PRRT2: variants seen among roughly 807,000 people sequenced by gnomAD.
PRRT2 encodes the protein proline-rich transmembrane protein 2.
PRRT2 carries 9 observed loss-of-function variants against 24.7 expected under a neutral mutation model. The ratio of observed to expected loss-of-function variants is 0.36; its 90% CI spans 0.22 to 0.64. The LOEUF (loss-of-function observed/expected upper bound fraction) is 0.64. Among genes scored for constraint, PRRT2 ranks in the 30% least tolerant of loss-of-function variants. PRRT2 has a pLI of 0.65. For missense variants in PRRT2, 460 were observed against 435.0 expected (o/e 1.06, Z -0.51); for synonymous variants, 195 against 175.5 (o/e 1.11, Z -0.88).
chr16:29,814,185 C>T lies in PRRT2; in HGVS notation c.880-148C>T, dbSNP rs1223905095. 3 of 1,494,988 alleles carry T rather than the reference C, an allele frequency of 2.0e-6. No individual in the cohort carries two copies. The highest frequency in any genetic ancestry group is 2.7e-6 in the Non-Finnish European group (3 of 1,131,430). The allele number at this position is 1,494,988 out of a possible 1,614,324, so 92.6% of individuals were successfully genotyped here. A position where few individuals can be genotyped will look rare whatever the true frequency, so the allele number is the denominator to read the frequency against. On this transcript the variant is annotated intron_variant, in intron 2 of 3. Transcript: ENST00000358758. The surrounding 1 kb of genome is among the most constrained non-coding windows in gnomAD (Gnocchi z 4.1). ...AGCCTCGCTGACCTGTGCCCTCCTC[C>T]CCCTGCCCCTTCACTCCTCCTTCCT...
rs1482601020 is a variant in PRRT2 at position 29,814,317 on chromosome 16, C to G, written c.880-16C>G. The G allele has an allele frequency of 9.5e-6, 15 of 1,581,192 alleles. No homozygotes were observed. Among genetic ancestry groups the G allele is most frequent in the African/African-American group, 1.3e-5 (1 of 74,084 alleles). On this transcript the variant is annotated splice_polypyrimidine_tract_variant and intron_variant, in intron 2 of 3. Coordinates refer to ENST00000358758, the MANE Select transcript of PRRT2 (RefSeq NM_145239.3). The surrounding 1 kb of genome is among the most constrained non-coding windows in gnomAD (Gnocchi z 4.1). ...TGACCCCGGCTATGTGCCTCCACCC[C>G]TCGCCCTAACCCCAGTCCCGGAACA... is the stretch of plus-strand genomic sequence containing the variant.
Position 29,814,852 on chromosome 16 carries a change from A to C in PRRT2, c.*214A>C. The stretch of plus-strand genomic sequence containing the variant: ...CTGCCTCATCCCTGCACTGGTTCCA[A>C]CCTCCCTGCACTAATGCCTGCATCC... On this transcript the variant is annotated 3_prime_UTR_variant, in exon 4 of 4. Transcript: ENST00000358758. This position sits in a 1 kb window ranked among gnomAD's most constrained non-coding sequence, Gnocchi z 4.1. 4 of 539,306 alleles carry C rather than the reference A, an allele frequency of 7.4e-6. No individual in the cohort carries two copies. The highest frequency in any genetic ancestry group is 2.6e-5 in the South Asian group (1 of 38,606). 33.4% of individuals were successfully genotyped at this position (539,306 alleles called of 1,614,324 possible).
chr16:29,815,392 A>G lies in PRRT2; in HGVS notation c.*754A>G, dbSNP rs1423186684. On this transcript the variant is annotated 3_prime_UTR_variant, in exon 4 of 4. Coordinates refer to ENST00000358758, the MANE Select transcript of PRRT2 (RefSeq NM_145239.3). ...TATGGGGACTCGGGTGAGGGTGGCG[A>G]GTACTGGTTCCGAACGCACGCAGGG... is the stretch of plus-strand genomic sequence containing the variant. 1 of 152,516 alleles carries G rather than the reference A, an allele frequency of 6.6e-6. No homozygotes were observed. Among genetic ancestry groups the G allele is most frequent in the Non-Finnish European group, 1.5e-5 (1 of 68,058 alleles). The allele number at this position is 152,516 out of a possible 1,614,324, so 9.4% of individuals were successfully genotyped here.
rs757994031 is a variant in PRRT2, at chr16:29,813,068, G to GCTCTGAGAT, written c.24_32dup (p.Ile8_Glu10dup). On this transcript the variant is annotated inframe_insertion, in exon 2 of 4. Coordinates refer to ENST00000358758, the MANE Select transcript of PRRT2 (RefSeq NM_145239.3). ...TCCCATCTCAAGATGGCAGCCAGCAGCTCTGAGATCTCTGAGATGAAGGGG... is the reference window on the plus strand; with the variant it reads ...TCCCATCTCAAGATGGCAGCCAGCAGCTCTGAGATCTCTGAGATCTCTGAGATGAAGGGG... The GCTCTGAGAT allele has an allele frequency of 2.5e-6, 4 of 1,605,944 alleles. No homozygotes were observed. The highest frequency in any genetic ancestry group is 3.4e-6 in the Non-Finnish European group (4 of 1,176,326).
chr16:29,812,991 G>A lies in PRRT2; in HGVS notation c.-64G>A, dbSNP rs1157025999. ...CAAGCCTATCTCCTCCTCTTCCAGG[G>A]TTTGCCGCTGTCTCTGCTATTCCAT... On this transcript the variant is annotated splice_region_variant and 5_prime_UTR_variant, in exon 2 of 4. Coordinates refer to ENST00000358758, the MANE Select transcript of PRRT2 (RefSeq NM_145239.3). 4.0e-6 allele frequency: 6 copies of A among 1,513,602 alleles called. No individual in the cohort carries two copies. In the African/African-American group the frequency reaches 7.0e-5, roughly 18 times the overall value. The allele number at this position is 1,513,602 out of a possible 1,614,324, so 93.8% of individuals were successfully genotyped here. A position where few individuals can be genotyped will look rare whatever the true frequency, so the allele number is the denominator to read the frequency against.
rs1900146525 is a variant in PRRT2, at chr16:29,814,500, G to A, written c.1012+35G>A. ...GGCTTGGGACAGGCAGGGGAGGAAT[G>A]GAAGGGTTGGCAAGGGCAGCTTTAC... On this transcript the variant is annotated intron_variant, in intron 3 of 3. Transcript: ENST00000358758. The surrounding 1 kb of genome is among the most constrained non-coding windows in gnomAD (Gnocchi z 4.1). 1.2e-6 allele frequency: 2 copies of A among 1,606,632 alleles called. No homozygotes were observed. The highest frequency in any genetic ancestry group is 1.7e-6 in the Non-Finnish European group (2 of 1,176,106).
chr16:29,812,666 A>C (rs1393885297), intron 1 of PRRT2, among the ~76,000 whole-genome samples: 2 of 151,930 alleles, frequency 1.3e-5, no homozygotes, highest in East Asian at 3.9e-4. Context: ...GGCCTGTCGG[A>C]GTGCTATTTG....
In PRRT2 at chr16:29,814,966, TCTCA is replaced by T; in HGVS notation, c.*329_*332del. The T allele has an allele frequency of 3.0e-6, 1 of 331,824 alleles. No individual in the cohort carries two copies. The highest frequency in any genetic ancestry group is 5.9e-5 in the South Asian group (1 of 16,960). The allele number at this position is 331,824 out of a possible 1,614,324, so 20.6% of individuals were successfully genotyped here. A position where few individuals can be genotyped will look rare whatever the true frequency, so the allele number is the denominator to read the frequency against. On this transcript the variant is annotated 3_prime_UTR_variant, in exon 4 of 4. Coordinates refer to ENST00000358758, the MANE Select transcript of PRRT2 (RefSeq NM_145239.3). The surrounding 1 kb of genome is among the most constrained non-coding windows in gnomAD (Gnocchi z 4.1). The stretch of plus-strand genomic sequence containing the variant: ...CCTGAACACCTCCCCAACTCTGCGC[TCTCA>T]GCCTCCCTGCATCTCTCCTGGCCTC...
chr16:29,814,834 A>ATCCCTGCACTGGTTCCAACC lies in PRRT2; in HGVS notation c.*207_*226dup. The stretch of plus-strand genomic sequence containing the variant: ...CCTCTGCCAACTGTAGGCCTGCCTC[A>ATCCCTGCACTGGTTCCAACC]TCCCTGCACTGGTTCCAACCTCCCT... On this transcript the variant is annotated 3_prime_UTR_variant, in exon 4 of 4. Transcript: ENST00000358758. The surrounding 1 kb of genome is among the most constrained non-coding windows in gnomAD (Gnocchi z 4.1). The ATCCCTGCACTGGTTCCAACC allele has an allele frequency of 1.7e-6, 1 of 593,464 alleles. No homozygotes were observed. Among genetic ancestry groups the ATCCCTGCACTGGTTCCAACC allele is most frequent in the Non-Finnish European group, 2.9e-6 (1 of 342,744 alleles). The allele number at this position is 593,464 out of a possible 1,614,324, so 36.8% of individuals were successfully genotyped here.
rs780995028 is a variant in PRRT2, at chr16:29,813,796, A to G, written c.742A>G (p.Ser248Gly). 1.2e-6 allele frequency: 2 copies of G among 1,610,206 alleles called. No homozygotes were observed. Among genetic ancestry groups the G allele is most frequent in the Non-Finnish European group, 1.7e-6 (2 of 1,178,184 alleles). ...CCGAGGTAGCCTGAGCCGCCACCCC[A>G]GCTCCCAGTTGGCAGGTCCTGGGGT... ...SPRGSLSRHP[S>G]SQLAGPGVEG... The change falls in exon 2 of 4, where the codon AGC becomes GGC. Residue 248 changes from serine (S) to glycine (G), a missense_variant. Coordinates refer to ENST00000358758, the MANE Select transcript of PRRT2 (RefSeq NM_145239.3).
chr16:29,815,724 T>TAAAAAAAAAAAAAAAAAAAAA lies in PRRT2; in HGVS notation c.*1093_*1113dup, dbSNP rs10569553. ...CGGATTTGGCGGGGGTTTTTTTCCT[T>TAAAAAAAAAAAAAAAAAAAAA]AAAAAAAAAAAAAAAAAAAAAAAAA... On this transcript the variant is annotated 3_prime_UTR_variant, in exon 4 of 4. Coordinates refer to ENST00000358758, the MANE Select transcript of PRRT2 (RefSeq NM_145239.3). 2 of 30,354 alleles carry TAAAAAAAAAAAAAAAAAAAAA rather than the reference T, an allele frequency of 6.6e-5. No homozygotes were observed. The highest frequency in any genetic ancestry group is 2.7e-4 in the African/African-American group (2 of 7,374). The allele number at this position is 30,354 out of a possible 1,614,324, so 1.9% of individuals were successfully genotyped here.
At chr16:29,812,434 C>T in intron 1 of PRRT2, 111 bp downstream of exon 1, 1 of 153,006 alleles carries the variant, frequency 6.5e-6, no homozygotes, top group South Asian at 2.0e-4. Context: ...TGGTGCTGGG[C>T]GGGCTGAACC....
At position 29,813,733 on chromosome 16, in the gene PRRT2, C is replaced by G. The variant is rs370732306; in HGVS notation, c.679C>G (p.Arg227Gly). The G allele has an allele frequency of 2.0e-6, 3 of 1,519,528 alleles. No individual in the cohort carries two copies. The African/African-American group carries it at 4.2e-5, about 21-fold the overall frequency. The allele number at this position is 1,519,528 out of a possible 1,614,324, so 94.1% of individuals were successfully genotyped here. ...RVLQQLVEED[R>G]MRRAHSGHPG... ...GCTGCAGCAGCTGGTTGAGGAGGAT[C>G]GAATGAGAAGGGCACACAGTGGGCA... The change falls in exon 2 of 4, where the codon CGA becomes GGA. Residue 227 changes from arginine to glycine, a missense_variant. Arg to Gly is a moderately radical substitution (Grantham distance 125). This residue lies in a region of PRRT2 where 378 missense variants were observed against 324.6 expected (regional missense o/e 1.16). Coordinates refer to ENST00000358758, the MANE Select transcript of PRRT2 (RefSeq NM_145239.3).
At position 29,815,431 on chromosome 16, in the gene PRRT2, C is replaced by T. The variant is rs887135766; in HGVS notation, c.*793C>T. 1 of 152,470 alleles carries T rather than the reference C, an allele frequency of 6.6e-6. No individual in the cohort carries two copies. Among genetic ancestry groups the T allele is most frequent in the East Asian group, 1.9e-4 (1 of 5,184 alleles). 9.4% of individuals were successfully genotyped at this position (152,470 alleles called of 1,614,324 possible). A position where few individuals can be genotyped will look rare whatever the true frequency, so the allele number is the denominator to read the frequency against. On this transcript the variant is annotated 3_prime_UTR_variant, in exon 4 of 4. Coordinates refer to ENST00000358758, the MANE Select transcript of PRRT2 (RefSeq NM_145239.3). ...ACGCACGCAGGGGAGAAGGGAGGGACGCGGCGCTGACCCTTCCAGGTCAGC... is the reference window on the plus strand; with the variant it reads ...ACGCACGCAGGGGAGAAGGGAGGGATGCGGCGCTGACCCTTCCAGGTCAGC...
In PRRT2 at chr16:29,815,396, C is replaced by G. The variant is rs1900196094; in HGVS notation, c.*758C>G. The G allele has an allele frequency of 6.6e-6, 1 of 152,544 alleles. No homozygotes were observed. Among genetic ancestry groups the G allele is most frequent in the African/African-American group, 2.4e-5 (1 of 41,392 alleles). The allele number at this position is 152,544 out of a possible 1,614,324, so 9.4% of individuals were successfully genotyped here. On this transcript the variant is annotated 3_prime_UTR_variant, in exon 4 of 4. Transcript: ENST00000358758. ...GGGACTCGGGTGAGGGTGGCGAGTACTGGTTCCGAACGCACGCAGGGGAGA... is the reference window on the plus strand; with the variant it reads ...GGGACTCGGGTGAGGGTGGCGAGTAGTGGTTCCGAACGCACGCAGGGGAGA...
chr16:29,814,948 A>C lies in PRRT2; in HGVS notation c.*310A>C, dbSNP rs1596895633. 1 of 369,374 alleles carries C rather than the reference A, an allele frequency of 2.7e-6. No homozygotes were observed. 22.9% of individuals were successfully genotyped at this position (369,374 alleles called of 1,614,324 possible). A position where few individuals can be genotyped will look rare whatever the true frequency, so the allele number is the denominator to read the frequency against. On this transcript the variant is annotated 3_prime_UTR_variant, in exon 4 of 4. Transcript: ENST00000358758. The surrounding 1 kb of genome is among the most constrained non-coding windows in gnomAD (Gnocchi z 4.1). ...CTGCACTCTGGAAACCTCCCTGAAC[A>C]CCTCCCCAACTCTGCGCTCTCAGCC... is the stretch of plus-strand genomic sequence containing the variant.
Position 29,814,701 on chromosome 16 carries a change from C to A in PRRT2, c.*63C>A, listed in dbSNP as rs930185810. On this transcript the variant is annotated 3_prime_UTR_variant, in exon 4 of 4. Transcript: ENST00000358758. The surrounding 1 kb of genome is among the most constrained non-coding windows in gnomAD (Gnocchi z 4.1). ...TGGGAGCTGCCTTGGGCCCATCCCT[C>A]CCCTGGGGGGAGCCCAACTGATGGC... The A allele has an allele frequency of 5.2e-6, 8 of 1,545,056 alleles. No individual in the cohort carries two copies. The highest frequency in any genetic ancestry group is 7.0e-6 in the Non-Finnish European group (8 of 1,147,938).
chr16:29,813,510 C>G lies in PRRT2; in HGVS notation c.456C>G (p.Pro152=), dbSNP rs1477383744. ...CCCGGCCAGATTCCCAGCCTACCCCCAAGCCAGCCCTTCAACCAGAGCTCC... is the reference window on the plus strand; with the variant it reads ...CCCGGCCAGATTCCCAGCCTACCCCGAAGCCAGCCCTTCAACCAGAGCTCC... ...PDPRPDSQPT[P]KPALQPELPT... The change falls in exon 2 of 4, where the codon CCC becomes CCG. Residue 152 remains proline, a synonymous_variant. Transcript: ENST00000358758. 1 of 1,613,810 alleles carries G rather than the reference C, an allele frequency of 6.2e-7. No individual in the cohort carries two copies. Among genetic ancestry groups the G allele is most frequent in the Non-Finnish European group, 8.5e-7 (1 of 1,179,784 alleles).
At position 29,814,599 on chromosome 16, in the gene PRRT2, C is replaced by T. The variant is rs745834081; in HGVS notation, c.1013-29C>T. The stretch of plus-strand genomic sequence containing the variant: ...GTCTCTCCTTGTCTCCCCCTCCCCC[C>T]GTCTGTCCTTCCCTCTCCTCTCCCA... On this transcript the variant is annotated intron_variant, in intron 3 of 3. Coordinates refer to ENST00000358758, the MANE Select transcript of PRRT2 (RefSeq NM_145239.3). The surrounding 1 kb of genome is among the most constrained non-coding windows in gnomAD (Gnocchi z 4.1). 351 of 1,609,908 alleles carry T rather than the reference C, an allele frequency of 2.2e-4. No individual in the cohort carries two copies. The highest frequency in any genetic ancestry group is 2.7e-4 in the Non-Finnish European group (323 of 1,176,608).
Sources: allele counts gnomAD v4.1 joint callset (sites outside exome capture counted in the v4.1 genomes callset), GRCh38; gene constraint gnomAD v4.1.1; regional missense constraint gnomAD v4.1.1; non-coding constraint Gnocchi (gnomAD v3.1); transcripts MANE v1.5; gene names NCBI Gene and HGNC (gene_info 2026-07-23, HGNC 2026-07-21).